RANBP17: variants seen among roughly 807,000 people sequenced by gnomAD.
The protein encoded by RANBP17 is RAN binding protein 17, also known as ran-binding protein 17.
A neutral mutation model predicts 141.2 loss-of-function variants in RANBP17; 158 were observed. That is an observed-to-expected ratio of 1.12 (90% CI 0.98 to 1.28). The LOEUF is 1.28. Among genes scored for constraint, RANBP17 ranks in the 50% most tolerant of loss-of-function variants. RANBP17 has a pLI of 0.00. For missense variants in RANBP17, 1,438 were observed against 1,290.7 expected, an observed-to-expected ratio of 1.11 and a Z score of -1.75; for synonymous variants, 430 against 450.0, an observed-to-expected ratio of 0.96 and a Z score of 0.56.
intron 14 of RANBP17, among the ~76,000 whole-genome samples, chr5:171,101,840 C>G (rs1236525888): frequency 6.6e-6 from 1 of 152,150 alleles, no homozygotes; most frequent in Non-Finnish European, 1.5e-5. Flanking sequence ...TTTTATTTCT[C>G]CTTTACTTAT....
At chr5:171,193,640 C>T (rs62392990) in intron 18 of RANBP17, among the ~76,000 whole-genome samples, 1 of 152,180 alleles carries the variant, frequency 6.6e-6, no homozygotes, top group Non-Finnish European at 1.5e-5. Context: ...AGAATCTGTT[C>T]CTTTGCCTTT....
At chr5:170,992,748 G>A (rs1778588506) in intron 14 of RANBP17, among the ~76,000 whole-genome samples, 1 of 151,928 alleles carries the variant, frequency 6.6e-6, no homozygotes, top group Non-Finnish European at 1.5e-5. Flanking sequence ...GAAGAAAGGA[G>A]GTAAGATTTT....
chr5:171,047,600 C>T (rs1782680497), intron 14 of RANBP17, among the ~76,000 whole-genome samples: 1 of 151,636 alleles, frequency 6.6e-6, no homozygotes, highest in Non-Finnish European at 1.5e-5. Flanking sequence ...GCCACCACAT[C>T]AGCTAATTTT....
intron 22 of RANBP17, among the ~76,000 whole-genome samples, chr5:171,234,582 C>G (rs1446047161): frequency 6.6e-6 from 1 of 152,106 alleles, no homozygotes; most frequent in Non-Finnish European, 1.5e-5. Context: ...AAAGTAATAG[C>G]AGTGGGAGTG....
At chr5:171,183,015 A>G in intron 16 of RANBP17, 152 bp from the exon 17 acceptor site, 1 of 547,914 alleles carries the variant, frequency 1.8e-6, no homozygotes, top group Non-Finnish European at 3.3e-6. Context: ...ATCATTCTTA[A>G]CAGAAGGAAA....
chr5:171,027,857 A>G (rs908695902), intron 14 of RANBP17, among the ~76,000 whole-genome samples: 6 of 152,248 alleles, frequency 3.9e-5, no homozygotes, highest in African/African-American at 1.2e-4. Flanking sequence ...TTTTTCTGCT[A>G]TTAATTAGTT....
intron 24 of RANBP17, among the ~76,000 whole-genome samples, chr5:171,256,933 C>CA (rs1190772804): frequency 6.6e-6 from 1 of 151,620 alleles, no homozygotes; most frequent in Non-Finnish European, 1.5e-5. Flanking sequence ...AAAATCCCAG[C>CA]AAAAAAACTC....
intron 18 of RANBP17, among the ~76,000 whole-genome samples, chr5:171,184,507 A>T (rs1761101202): frequency 7.2e-6 from 1 of 139,178 alleles, no homozygotes; most frequent in Non-Finnish European, 1.6e-5. Context: ...GTCAAAAGAT[A>T]CAAAGTTTCA....
intron 24 of RANBP17, among the ~76,000 whole-genome samples, chr5:171,250,391 A>T (rs186802172): frequency 3.0e-4 from 45 of 152,358 alleles, no homozygotes; most frequent in African/African-American, 8.2e-4. Context: ...AAATTCACCA[A>T]ACCACAATTA....
chr5:171,021,730 A>C (rs1780870078), intron 14 of RANBP17, among the ~76,000 whole-genome samples: 1 of 152,142 alleles, frequency 6.6e-6, no homozygotes, highest in Non-Finnish European at 1.5e-5. Flanking sequence ...CTTTTAGCTC[A>C]GCATAGTTTT....
chr5:171,204,395 G>T (rs17747869), intron 19 of RANBP17, among the ~76,000 whole-genome samples: 9,270 of 152,164 alleles, frequency 0.061, 370 homozygotes, highest in East Asian at 0.12. Flanking sequence ...CCATTAAGAG[G>T]AGGGTCAGGA....
chr5:171,011,241 C>CTT (rs1780012859), intron 14 of RANBP17, among the ~76,000 whole-genome samples: 1 of 152,000 alleles, frequency 6.6e-6, no homozygotes. Context: ...TATTGTACTG[C>CTT]TTGTATTTGC....
At chr5:171,235,528 G>T (rs941176462) in intron 22 of RANBP17, among the ~76,000 whole-genome samples, 6 of 152,094 alleles carry the variant, frequency 3.9e-5, no homozygotes, top group Non-Finnish European at 8.8e-5. Flanking sequence ...CAGTATATGT[G>T]AGTGCAAATG....
Position 171,254,234 on chromosome 5 carries a change from G to A in RANBP17, c.2776+11414G>A, listed in dbSNP as rs560916230. ...TGAACTCCAGCCTGGGCAACAGAGCGAGACTCTGTCTCAAAAAAAAAAAAA... is the reference window on the plus strand; with the variant it reads ...TGAACTCCAGCCTGGGCAACAGAGCAAGACTCTGTCTCAAAAAAAAAAAAA... On this transcript the variant is annotated intron_variant, in intron 24 of 27. Transcript: ENST00000523189. Among the ~76,000 whole-genome samples, 13 of 140,440 alleles carry A rather than the reference G, an allele frequency of 9.3e-5. No homozygotes were observed. In the East Asian group the frequency reaches 2.3e-3, roughly 25 times the overall value. The allele number at this position is 140,440 out of a possible 152,430, so 92.1% of individuals were successfully genotyped here.
intron 14 of RANBP17, among the ~76,000 whole-genome samples, chr5:171,151,762 C>T (rs966402246): frequency 6.6e-6 from 1 of 152,084 alleles, no homozygotes; most frequent in Non-Finnish European, 1.5e-5. Flanking sequence ...CTTTCTCGAA[C>T]CAAGGAAAAA....
At chr5:170,902,769 A>C (rs774052171) in intron 5 of RANBP17, among the ~76,000 whole-genome samples, 35 of 152,184 alleles carry the variant, frequency 2.3e-4, no homozygotes, top group Admixed American at 5.9e-4. Context: ...TCCTTCTAAC[A>C]GTCAGGCCCC....
In RANBP17 at chr5:170,942,455, G is replaced by A. The variant is rs139599096; in HGVS notation, c.1469-11142G>A. Among the ~76,000 whole-genome samples the A allele has an allele frequency of 2.6e-3, 403 of 152,252 alleles. 5 individuals are homozygous for A. The highest frequency in any genetic ancestry group is 0.014 in the Middle Eastern group (4 of 294). Reference sequence around the variant, plus strand: ...AATGAACTATACCTAGTGAGTGTCAGAGATAAGATGTTTAATGAAAAGCAA... The same window carrying A: ...AATGAACTATACCTAGTGAGTGTCAAAGATAAGATGTTTAATGAAAAGCAA... On this transcript the variant is annotated intron_variant, in intron 12 of 27. Transcript: ENST00000523189.
chr5:170,959,970 C>T (rs1776015344), intron 13 of RANBP17, among the ~76,000 whole-genome samples: 1 of 152,156 alleles, frequency 6.6e-6, no homozygotes, highest in African/African-American at 2.4e-5. Context: ...AACTATTCTT[C>T]CTCACTTCAG....
chr5:171,050,134 C>T (rs981414652), intron 14 of RANBP17, among the ~76,000 whole-genome samples: 1 of 152,110 alleles, frequency 6.6e-6, no homozygotes, highest in African/African-American at 2.4e-5. Flanking sequence ...ACTCTGATTT[C>T]TCTGAGCAGT....
Sources: gnomAD v4.1 joint callset for allele counts (sites outside exome capture counted in the v4.1 genomes callset) on GRCh38, gnomAD v4.1.1 for gene constraint, MANE v1.5 for transcripts, NCBI Gene and HGNC (gene_info 2026-07-23, HGNC 2026-07-21) for gene names.